GARNL3: variants seen among roughly 807,000 people sequenced by gnomAD.
GARNL3 encodes GTPase activating Rap/RanGAP domain like 3.
Under a neutral mutation model 125.0 loss-of-function variants are expected in GARNL3, and 63 were observed. The ratio of observed to expected loss-of-function variants is 0.50; its 90% CI spans 0.41 to 0.62. GARNL3 has a LOEUF of 0.62. Ranked by LOEUF, GARNL3 falls within the 20% of genes least tolerant of loss-of-function variation. GARNL3 has a pLI of 0.00. For synonymous variants in GARNL3, 439 were observed against 457.5 expected (o/e 0.96, Z 0.52); for missense variants, 994 against 1,244.0 (o/e 0.80, Z 3.02).
Position 127,387,194 on chromosome 9 carries a change from C to T in GARNL3, c.2390C>T (p.Ser797Leu), listed in dbSNP as rs1283371831. ...GTAATGCTCTCTCTTCCTTTCTAGT[C>T]GGATATATACTTCACAGCAACTGCA... ...VPQLQLVASR[S>L]DIYFTATAAV... The change falls in exon 25 of 28, where the codon TCG becomes TTG. Residue 797 changes from serine (S) to leucine (L), a missense_variant and splice_region_variant. Coordinates refer to ENST00000373387, the MANE Select transcript of GARNL3 (RefSeq NM_032293.5). 5.6e-6 allele frequency: 9 copies of T among 1,610,216 alleles called. No individual in the cohort carries two copies. Among genetic ancestry groups the T allele is most frequent in the East Asian group, 2.2e-5 (1 of 44,832 alleles).
At position 127,389,077 on chromosome 9, in the gene GARNL3, G is replaced by A; in HGVS notation, c.2701G>A (p.Glu901Lys). ...GCACTCCTTGTCCCTGTCTCGCATG[G>A]AGATCAAAGAAATAGCAAGCAGGAC... is the stretch of plus-strand genomic sequence containing the variant. Reference protein sequence around the residue: ...VTHSLSLSRMEIKEIASRTRR... With the variant: ...VTHSLSLSRMKIKEIASRTRR... Residue 901 changes from glutamate (E) to lysine (K), a missense_variant, in exon 26 of 28, where the codon GAG (glutamate) becomes AAG (lysine). By Grantham distance (56) the Glu-to-Lys change is moderately conservative (BLOSUM62 1). Around this residue, in one of 5 missense-constraint regions of GARNL3, gnomAD observed 728 missense variants for 865.7 expected, o/e 0.84. Transcript: ENST00000373387. 6.2e-7 allele frequency: 1 copy of A among 1,614,168 alleles called. No homozygotes were observed. Among genetic ancestry groups the A allele is most frequent in the Non-Finnish European group, 8.5e-7 (1 of 1,180,032 alleles).
In GARNL3 at chr9:127,318,823, AGT is replaced by A. The variant is rs571444618; in HGVS notation, c.503+699_503+700del. ...CAGGCACTGTGCTGAATGCTTTATG[AGT>A]GTTCTCTGAGTCAATCTTTAGCTCC... On this transcript the variant is annotated intron_variant, in intron 5 of 27. Transcript: ENST00000373387. 3.9e-5 allele frequency among the ~76,000 whole-genome samples: 6 copies of A among 152,254 alleles called. No homozygotes were observed. The East Asian group carries it at 1.2e-3, about 29-fold the overall frequency.
At chr9:127,366,026 TA>T (rs1831269984) in intron 22 of GARNL3, among the ~76,000 whole-genome samples, 1 of 152,160 alleles carries the variant, frequency 6.6e-6, no homozygotes, top group Admixed American at 6.5e-5. Flanking sequence ...GCTAATATTA[TA>T]ATACATTTTC....
At chr9:127,378,038 C>T (rs1194118678) in intron 22 of GARNL3, among the ~76,000 whole-genome samples, 6 of 151,592 alleles carry the variant, frequency 4.0e-5, no homozygotes, top group Non-Finnish European at 5.9e-5. Flanking sequence ...CTCAGGAGTT[C>T]GAGACCAGTC....
chr9:127,339,149 T>G (rs1489356767), intron 12 of GARNL3, among the ~76,000 whole-genome samples: 1 of 151,356 alleles, frequency 6.6e-6, no homozygotes, highest in East Asian at 1.9e-4. Flanking sequence ...TACAAAAAAT[T>G]AGCCGGGCGT....
upstream of GARNL3, chr9:127,263,806 ATGG>A (rs772053772): frequency 3.7e-5 from 46 of 1,260,090 alleles, no homozygotes; most frequent in South Asian, 6.5e-5. Flanking sequence ...TCTCTGTGAA[ATGG>A]TGGAAGCAGA....
At position 127,291,158 on chromosome 9, in the gene GARNL3, TC is replaced by T. The variant is rs745628543; in HGVS notation, c.145-4del. ...AAATGCTTCCTAATTGAATGCTTTT[TC>T]CCCCCTAGCTTATTTCCAGTGATGC... On this transcript the variant is annotated splice_polypyrimidine_tract_variant and intron_variant, in intron 1 of 27. Transcript: ENST00000373387. 2.2e-5 allele frequency: 36 copies of T among 1,613,558 alleles called. No individual in the cohort carries two copies. The highest frequency in any genetic ancestry group is 4.5e-5 in the East Asian group (2 of 44,888).
rs747447965 is a variant in GARNL3, at chr9:127,385,109, T to C, written c.2352T>C (p.Thr784=). 11 of 1,610,226 alleles carry C rather than the reference T, an allele frequency of 6.8e-6. No homozygotes were observed. Among genetic ancestry groups the C allele is most frequent in the Non-Finnish European group, 9.3e-6 (11 of 1,177,904 alleles). ...TGGTGAACGGGAACCTGGTCCACACTGCAGTCGTGCCGCAGCTGCAGCTGG... is the reference window on the plus strand; with the variant it reads ...TGGTGAACGGGAACCTGGTCCACACCGCAGTCGTGCCGCAGCTGCAGCTGG... ...RLVVNGNLVH[T]AVVPQLQLVA... is the part of the protein sequence containing the mutation. Residue 784 remains threonine (T), a synonymous_variant, in exon 24 of 28, where the codon ACT becomes ACC. Transcript: ENST00000373387. This position sits in a 1 kb window ranked among gnomAD's most constrained non-coding sequence, Gnocchi z 4.1.
At chr9:127,281,768 C>A (rs1440644765) in intron 1 of GARNL3, among the ~76,000 whole-genome samples, 1 of 152,236 alleles carries the variant, frequency 6.6e-6, no homozygotes, top group East Asian at 1.9e-4. Flanking sequence ...TTCTCACCCC[C>A]TCTTTTTGAT....
chr9:127,371,298 C>A (rs528371773), intron 22 of GARNL3, among the ~76,000 whole-genome samples: 10 of 152,204 alleles, frequency 6.6e-5, no homozygotes, highest in Non-Finnish European at 1.5e-4. Flanking sequence ...CTTCCTAGAA[C>A]CCTGATGCTA....
Position 127,385,113 on chromosome 9 carries a change from G to T in GARNL3, c.2356G>T (p.Val786Phe), listed in dbSNP as rs1239914685. 2 of 1,609,682 alleles carry T rather than the reference G, an allele frequency of 1.2e-6. No individual in the cohort carries two copies. Among genetic ancestry groups the T allele is most frequent in the Admixed American group, 3.4e-5 (2 of 59,570 alleles). ...GAACGGGAACCTGGTCCACACTGCAGTCGTGCCGCAGCTGCAGCTGGTGGC... is the reference window on the plus strand; with the variant it reads ...GAACGGGAACCTGGTCCACACTGCATTCGTGCCGCAGCTGCAGCTGGTGGC... ...VVNGNLVHTA[V>F]VPQLQLVASR... The change falls in exon 24 of 28, where the codon GTC (valine) becomes TTC (phenylalanine). Residue 786 changes from valine (V) to phenylalanine (F), a missense_variant. By Grantham distance (50) the Val-to-Phe change is conservative. Around this residue, in one of 5 missense-constraint regions of GARNL3, gnomAD observed 728 missense variants for 865.7 expected, o/e 0.84. Transcript: ENST00000373387. This position sits in a 1 kb window ranked among gnomAD's most constrained non-coding sequence, Gnocchi z 4.1.
At chr9:127,248,503 G>A (rs1047796846) in intron 2 of GARNL3, among the ~76,000 whole-genome samples, 10 of 151,202 alleles carry the variant, frequency 6.6e-5, no homozygotes, top group Admixed American at 5.3e-4. Flanking sequence ...GTGGGAAGTA[G>A]TAGGAAGCCC....
chr9:127,360,993 TA>T (rs560681879), intron 21 of GARNL3, among the ~76,000 whole-genome samples: 42 of 152,316 alleles, frequency 2.8e-4, no homozygotes, highest in Admixed American at 5.2e-4. Context: ...AGTGCTCCTC[TA>T]GGGGGAACTG....
chr9:127,372,541 C>T (rs1831665483), intron 22 of GARNL3, among the ~76,000 whole-genome samples: 1 of 152,096 alleles, frequency 6.6e-6, no homozygotes, highest in African/African-American at 2.4e-5. Flanking sequence ...ACTCTGGGAC[C>T]CCTTAAGTTT....
At chr9:127,252,629 G>A (rs2063426045) in intron 2 of GARNL3, among the ~76,000 whole-genome samples, 1 of 152,330 alleles carries the variant, frequency 6.6e-6, no homozygotes, top group African/African-American at 2.4e-5. Flanking sequence ...CGGCTAAGTA[G>A]ATACCAAGCA....
intron 1 of GARNL3, among the ~76,000 whole-genome samples, chr9:127,268,371 G>A (rs1049052924): frequency 1.3e-5 from 2 of 152,148 alleles, no homozygotes; most frequent in African/African-American, 4.8e-5. Context: ...CTCATGTGAT[G>A]GAAAACCAGC....
At chr9:127,304,618 C>T (rs988170584) in intron 2 of GARNL3, among the ~76,000 whole-genome samples, 3 of 148,492 alleles carry the variant, frequency 2.0e-5, no homozygotes, top group African/African-American at 7.5e-5. Flanking sequence ...TCACTGCAAC[C>T]TCCGTCTCTT....
At chr9:127,278,844 C>A (rs938561150) in intron 1 of GARNL3, among the ~76,000 whole-genome samples, 1 of 152,170 alleles carries the variant, frequency 6.6e-6, no homozygotes, top group African/African-American at 2.4e-5. Flanking sequence ...CCTTAACCCC[C>A]TTTGGCTTGT....
At chr9:127,272,450 T>C (rs1420709675) in intron 1 of GARNL3, among the ~76,000 whole-genome samples, 2 of 150,002 alleles carry the variant, frequency 1.3e-5, no homozygotes, top group Non-Finnish European at 2.9e-5. Context: ...CTTTAAAATT[T>C]ATCTGGCTTA....
Sources: gnomAD v4.1 joint callset for allele counts (sites outside exome capture counted in the v4.1 genomes callset) on GRCh38, gnomAD v4.1.1 for gene constraint, gnomAD v4.1.1 regional missense constraint, Gnocchi (gnomAD v3.1) non-coding constraint, MANE v1.5 for transcripts, NCBI Gene and HGNC (gene_info 2026-07-23, HGNC 2026-07-21) for gene names.